Variants in CAMKK2 observed in about 807,000 individuals in gnomAD.
CAMKK2 encodes the protein calcium/calmodulin dependent protein kinase kinase 2.
In CAMKK2, 30 loss-of-function variants were observed where a neutral mutation model predicts 67.2. The observed-to-expected ratio is 0.45, with a 90% CI of 0.33 to 0.61. The LOEUF (loss-of-function observed/expected upper bound fraction) is 0.61. CAMKK2 is among the 20% of genes least tolerant of loss of function. CAMKK2 has a pLI of 0.02. For synonymous variants in CAMKK2, 322 were observed against 326.2 expected, an observed-to-expected ratio of 0.99 and a Z score of 0.14; for missense variants, 643 against 802.0, an observed-to-expected ratio of 0.80 and a Z score of 2.39.
chr12:121,240,326 C>T lies in CAMKK2; in HGVS notation c.*373G>A, dbSNP rs200467295. On this transcript the variant is annotated 3_prime_UTR_variant, in exon 17 of 17. Transcript: ENST00000404169. The surrounding 1 kb of genome is among the most constrained non-coding windows in gnomAD (Gnocchi z 4.4). Reference sequence around the variant, plus strand: ...CAGACCGCCGGAGTTTTCTGCTCGCCTTTCCACAGTTGTCAAACCCCACAC... The same window carrying T: ...CAGACCGCCGGAGTTTTCTGCTCGCTTTTCCACAGTTGTCAAACCCCACAC... 1 of 1,081,278 alleles carries T rather than the reference C, an allele frequency of 9.2e-7. No individual in the cohort carries two copies. Among genetic ancestry groups the T allele is most frequent in the South Asian group, 1.6e-5 (1 of 62,204 alleles). The allele number at this position is 1,081,278 out of a possible 1,614,324, so 67.0% of individuals were successfully genotyped here.
intron 1 of CAMKK2, among the ~76,000 whole-genome samples, chr12:121,276,558 G>A (rs892122747): frequency 2.6e-5 from 4 of 152,148 alleles, no homozygotes; most frequent in South Asian, 2.1e-4. Flanking sequence ...TTTGCTTAAC[G>A]TGTTTGACAA....
chr12:121,289,731 A>T (rs1226662511), intron 1 of CAMKK2, among the ~76,000 whole-genome samples: 3 of 152,118 alleles, frequency 2.0e-5, no homozygotes, highest in African/African-American at 4.8e-5. Context: ...CGTCTCCACT[A>T]AAAATACAAA....
At chr12:121,297,641 C>T (rs745699279), upstream of CAMKK2, 3 of 517,420 alleles carry the variant, frequency 5.8e-6, no homozygotes, top group South Asian at 4.2e-5. Context: ...AACCGTCCTA[C>T]GGGGTCGAGC....
chr12:121,262,379 G>A (rs1352448984), intron 6 of CAMKK2, among the ~76,000 whole-genome samples: 1 of 151,998 alleles, frequency 6.6e-6, no homozygotes, highest in African/African-American at 2.4e-5. Flanking sequence ...AGGCGTGGTA[G>A]CGGGCACCTG....
chr12:121,251,174 T>G (rs1890633042), intron 11 of CAMKK2, among the ~76,000 whole-genome samples: 1 of 152,192 alleles, frequency 6.6e-6, no homozygotes, highest in Non-Finnish European at 1.5e-5. Context: ...CTCTACCTAA[T>G]CACTGCCTTC....
rs943970302 is a variant in CAMKK2 at position 121,283,182 on chromosome 12, A to C, written c.-59-8597T>G. Among the ~76,000 whole-genome samples, 4 of 152,190 alleles carry C rather than the reference A, an allele frequency of 2.6e-5. No homozygotes were observed. In the East Asian group the frequency reaches 7.7e-4, roughly 29 times the overall value. ...GCTGCCTTGGAGGCCACAGACTCTG[A>C]GGCATTTCCCAAAGCTCTAGCGGGA... On this transcript the variant is annotated intron_variant, in intron 1 of 16. Transcript: ENST00000404169.
chr12:121,249,642 C>G, intron 13 of CAMKK2, 145 bp downstream of exon 13: 1 of 746,274 alleles, frequency 1.3e-6, no homozygotes, highest in African/African-American at 1.7e-5. Flanking sequence ...CTCAACAGCC[C>G]CCAGCAGCTC....
intron 10 of CAMKK2, 109 bp from the exon 11 acceptor site, chr12:121,252,823 C>G (rs113618229): frequency 4.7e-6 from 5 of 1,073,734 alleles, no homozygotes; most frequent in Non-Finnish European, 6.9e-6. Flanking sequence ...GGAGTTGGGG[C>G]GGGACCAATC....
At position 121,269,838 on chromosome 12, in the gene CAMKK2, A is replaced by G. The variant is rs1653606; in HGVS notation, c.520-257T>C. 1.6e-5 allele frequency: 6 copies of G among 373,798 alleles called. No homozygotes were observed. In the South Asian group the frequency reaches 2.2e-4, roughly 14 times the overall value. 23.2% of individuals were successfully genotyped at this position (373,798 alleles called of 1,614,324 possible). On this transcript the variant is annotated intron_variant, in intron 3 of 16. Coordinates refer to ENST00000404169, the MANE Select transcript of CAMKK2 (RefSeq NM_001270485.2). ...CCGAGGCAGGCGGATCACTTGAGTTAAGGAGTTTGAGACCAGCCTGGCCAA... is the reference window on the plus strand; with the variant it reads ...CCGAGGCAGGCGGATCACTTGAGTTGAGGAGTTTGAGACCAGCCTGGCCAA...
intron 7 of CAMKK2, among the ~76,000 whole-genome samples, chr12:121,257,762 G>A (rs2136277601): frequency 1.3e-5 from 2 of 152,266 alleles, no homozygotes; most frequent in East Asian, 3.9e-4. Context: ...ATGCTGCTAA[G>A]GTACAGCTTC....
At chr12:121,255,513 C>T in intron 9 of CAMKK2, 37 bp downstream of exon 9, 1 of 1,541,958 alleles carries the variant, frequency 6.5e-7, no homozygotes, top group Non-Finnish European at 8.9e-7. Context: ...ATGCTAACTA[C>T]CCACTGGGTG....
rs200625078 is a variant in CAMKK2, at chr12:121,238,665, G to A, written c.*2034C>T. On this transcript the variant is annotated 3_prime_UTR_variant, in exon 17 of 17. Coordinates refer to ENST00000404169, the MANE Select transcript of CAMKK2 (RefSeq NM_001270485.2). ...CCCTGGAAGAAATCTTAGATGGAAG[G>A]TTCCGTGGTGGGGAGAAATGGCATT... The A allele has an allele frequency of 7.9e-5, 12 of 152,722 alleles. No homozygotes were observed. The highest frequency in any genetic ancestry group is 1.5e-4 in the Non-Finnish European group (10 of 68,102). The allele number at this position is 152,722 out of a possible 1,614,324, so 9.5% of individuals were successfully genotyped here.
rs200307689 is a variant in CAMKK2, at chr12:121,238,853, C to T, written c.*1846G>A. 3.3e-5 allele frequency: 5 copies of T among 152,816 alleles called. No homozygotes were observed. In the South Asian group the frequency reaches 1.0e-3, roughly 32 times the overall value. 9.5% of individuals were successfully genotyped at this position (152,816 alleles called of 1,614,324 possible). ...CTGCAAGGTGCTTATTGCAAACTAA[C>T]CAAGCCCCATCTGGTGCCAGAAGGG... On this transcript the variant is annotated 3_prime_UTR_variant, in exon 17 of 17. Coordinates refer to ENST00000404169, the MANE Select transcript of CAMKK2 (RefSeq NM_001270485.2).
At chr12:121,257,468 G>A (rs1267886623) in intron 7 of CAMKK2, among the ~76,000 whole-genome samples, 3 of 151,990 alleles carry the variant, frequency 2.0e-5, no homozygotes, top group Non-Finnish European at 4.4e-5. Context: ...GGCTGGTCTC[G>A]AACTTCTGAC....
intron 15 of CAMKK2, 97 bp from the exon 16 acceptor site, chr12:121,244,712 C>T (rs1257905266): frequency 1.0e-6 from 1 of 983,516 alleles, no homozygotes; most frequent in Non-Finnish European, 1.5e-6. Flanking sequence ...AGACCCCAAA[C>T]ACCAGCTTCA....
intron 1 of CAMKK2, among the ~76,000 whole-genome samples, chr12:121,278,547 C>T (rs377089648): frequency 1.3e-5 from 2 of 152,168 alleles, no homozygotes; most frequent in African/African-American, 4.8e-5. Context: ...AATTGAATCA[C>T]GGGGGCGGGT....
upstream of CAMKK2, chr12:121,297,504 C>T (rs201179767): frequency 8.5e-4 from 388 of 457,500 alleles, 1 homozygote; most frequent in Non-Finnish European, 1.1e-3. Context: ...TGAAATACAG[C>T]ATATTCTTCC....
At chr12:121,250,617 A>G (rs1445052161) in intron 11 of CAMKK2, among the ~76,000 whole-genome samples, 3 of 151,952 alleles carry the variant, frequency 2.0e-5, no homozygotes, top group Non-Finnish European at 4.4e-5. Flanking sequence ...CAATGCCGCC[A>G]CCGCCCACAT....
Position 121,240,524 on chromosome 12 carries a change from C to CATT in CAMKK2, c.*174_*175insAAT. 1 of 1,471,442 alleles carries CATT rather than the reference C, an allele frequency of 6.8e-7. No homozygotes were observed. Among genetic ancestry groups the CATT allele is most frequent in the Non-Finnish European group, 9.1e-7 (1 of 1,101,668 alleles). The allele number at this position is 1,471,442 out of a possible 1,614,324, so 91.1% of individuals were successfully genotyped here. Reference sequence around the variant, plus strand: ...ACGGTCGACGTCATGGAGTCAAGTCCTTTTTTTTTTTTTGTCCCCTTTAAA... The same window carrying CATT: ...ACGGTCGACGTCATGGAGTCAAGTCCATTTTTTTTTTTTTTTGTCCCCTTTAAA... On this transcript the variant is annotated 3_prime_UTR_variant, in exon 17 of 17. Coordinates refer to ENST00000404169, the MANE Select transcript of CAMKK2 (RefSeq NM_001270485.2). This position sits in a 1 kb window ranked among gnomAD's most constrained non-coding sequence, Gnocchi z 4.4.
Sources: gnomAD v4.1 joint callset for allele counts (sites outside exome capture counted in the v4.1 genomes callset) on GRCh38, gnomAD v4.1.1 for gene constraint, Gnocchi (gnomAD v3.1) non-coding constraint, MANE v1.5 for transcripts, NCBI Gene and HGNC (gene_info 2026-07-23, HGNC 2026-07-21) for gene names.